Variants in IPO11 observed in about 807,000 individuals in gnomAD.
The protein encoded by IPO11 is importin-11.
IPO11 carries 66 observed loss-of-function variants against 143.2 expected under a neutral mutation model. That is an observed-to-expected ratio of 0.46 (90% confidence interval 0.38 to 0.57). The LOEUF (loss-of-function observed/expected upper bound fraction) is 0.57, where lower values mean the gene tolerates loss of function less well. IPO11 is among the 20% of genes least tolerant of loss of function. The pLI is 0.00. For synonymous variants in IPO11, 385 were observed against 377.8 expected, an observed-to-expected ratio of 1.02 and a Z score of -0.22; for missense variants, 1,026 against 1,141.0, an observed-to-expected ratio of 0.90 and a Z score of 1.45.
At chr5:62,531,239 A>G (rs983561977) in intron 22 of IPO11, among the ~76,000 whole-genome samples, 1 of 152,182 alleles carries the variant, frequency 6.6e-6, no homozygotes, top group Non-Finnish European at 1.5e-5. Context: ...GTGCAGTGGT[A>G]TGACCACAGC....
chr5:62,600,526 A>G (rs1324398340), intron 28 of IPO11, among the ~76,000 whole-genome samples: 3 of 152,244 alleles, frequency 2.0e-5, no homozygotes, highest in African/African-American at 4.8e-5. Flanking sequence ...TGGCTAGTGT[A>G]AAGAAACCCC....
intron 22 of IPO11, among the ~76,000 whole-genome samples, chr5:62,536,141 T>A (rs1432073208): frequency 6.6e-6 from 1 of 152,174 alleles, no homozygotes; most frequent in East Asian, 1.9e-4. Context: ...TGAGAAGTAA[T>A]ATCGCATATT....
intron 15 of IPO11, among the ~76,000 whole-genome samples, chr5:62,491,114 A>C (rs1746594680): frequency 6.6e-6 from 1 of 152,214 alleles, no homozygotes; most frequent in Non-Finnish European, 1.5e-5. Context: ...GATTCACTTC[A>C]GTATACCTGG....
chr5:62,482,671 A>G (rs190435815), intron 9 of IPO11, among the ~76,000 whole-genome samples: 153 of 152,306 alleles, frequency 1.0e-3, no homozygotes, highest in Non-Finnish European at 3.7e-4. Flanking sequence ...TATTAGCTGA[A>G]ATTCTTCTAT....
At chr5:62,610,187 CTATGTTAACCT>C (rs1454806211) in intron 29 of IPO11, among the ~76,000 whole-genome samples, 1 of 152,126 alleles carries the variant, frequency 6.6e-6, no homozygotes, top group Non-Finnish European at 1.5e-5. Context: ...GGCTTGAATG[CTATGTTAACCT>C]GGTTAACATA....
At chr5:62,600,654 T>G (rs1745472327) in intron 28 of IPO11, among the ~76,000 whole-genome samples, 1 of 152,060 alleles carries the variant, frequency 6.6e-6, no homozygotes, top group Admixed American at 6.6e-5. Flanking sequence ...TGTGTCAGAG[T>G]CCATTGGCCA....
At chr5:62,541,227 C>T (rs530214860) in intron 24 of IPO11, among the ~76,000 whole-genome samples, 39 of 151,812 alleles carry the variant, frequency 2.6e-4, no homozygotes, top group African/African-American at 8.7e-4. Flanking sequence ...CAAAATTAGC[C>T]GGGCATGGTG....
At chr5:62,463,135 G>C (rs1745432188) in intron 5 of IPO11, among the ~76,000 whole-genome samples, 1 of 152,012 alleles carries the variant, frequency 6.6e-6, no homozygotes, top group South Asian at 2.1e-4. Context: ...CTGAACTCCT[G>C]GGTTCAAATG....
intron 27 of IPO11, among the ~76,000 whole-genome samples, chr5:62,588,130 C>T (rs766436515): frequency 2.0e-5 from 3 of 152,172 alleles, no homozygotes; most frequent in Non-Finnish European, 4.4e-5. Flanking sequence ...ACTTCCACTT[C>T]AACCACACAT....
At chr5:62,448,790 C>T (rs1363655081) in intron 3 of IPO11, among the ~76,000 whole-genome samples, 1 of 152,106 alleles carries the variant, frequency 6.6e-6, no homozygotes, top group Non-Finnish European at 1.5e-5. Context: ...AACTCCTGGC[C>T]CCAAGCAGTC....
chr5:62,530,868 C>T, intron 22 of IPO11, 83 bp downstream of exon 22: 3 of 1,059,172 alleles, frequency 2.8e-6, no homozygotes, highest in Non-Finnish European at 4.4e-6. Context: ...GGAGGCATTA[C>T]AACAAAGTTG....
intron 19 of IPO11, among the ~76,000 whole-genome samples, chr5:62,510,562 T>TA (rs574645241): frequency 3.9e-5 from 6 of 152,202 alleles, no homozygotes; most frequent in Non-Finnish European, 7.3e-5. Context: ...TTAACACTGA[T>TA]ACAATACTAT....
At position 62,435,172 on chromosome 5, in the gene IPO11, GTATATATGTA is replaced by G. The variant is rs746098672; in HGVS notation, c.-6-2072_-6-2063del. ...TATATGTATATATATGTATATATAT[GTATATATGTA>G]TATATATGTATATATATGTATATAT... On this transcript the variant is annotated intron_variant, in intron 1 of 29. Transcript: ENST00000325324. 3.4e-3 allele frequency among the ~76,000 whole-genome samples: 296 copies of G among 88,268 alleles called. 21 individuals are homozygous for G. The highest frequency in any genetic ancestry group is 3.5e-3 in the Non-Finnish European group (161 of 46,360). 57.9% of individuals were successfully genotyped at this position (88,268 alleles called of 152,430 possible).
chr5:62,449,677 T>A, intron 3 of IPO11: 1 of 285,072 alleles, frequency 3.5e-6, no homozygotes. Context: ...GATGTGCCAG[T>A]GTACAAGTAA....
intron 29 of IPO11, among the ~76,000 whole-genome samples, chr5:62,620,209 C>T (rs572048529): frequency 1.3e-5 from 2 of 152,202 alleles, no homozygotes; most frequent in Admixed American, 1.3e-4. Flanking sequence ...AGACGTGAGA[C>T]TTCAGTCACA....
intron 22 of IPO11, among the ~76,000 whole-genome samples, chr5:62,534,860 A>G (rs1435245576): frequency 6.6e-6 from 1 of 152,188 alleles, no homozygotes; most frequent in Non-Finnish European, 1.5e-5. Context: ...ATCTGAAAGT[A>G]AATACCTATC....
chr5:62,519,207 A>G (rs909895133), intron 20 of IPO11, among the ~76,000 whole-genome samples: 1 of 152,192 alleles, frequency 6.6e-6, no homozygotes, highest in Non-Finnish European at 1.5e-5. Flanking sequence ...GTGTAAAACT[A>G]CCTAAGCATT....
At chr5:62,488,718 G>C (rs1209497987) in intron 13 of IPO11, among the ~76,000 whole-genome samples, 1 of 152,130 alleles carries the variant, frequency 6.6e-6, no homozygotes, top group Admixed American at 6.5e-5. Flanking sequence ...CAGAATGAGT[G>C]TTGGCCAGGC....
intron 1 of IPO11, among the ~76,000 whole-genome samples, chr5:62,435,200 G>GTATA (rs1175661794): frequency 9.6e-6 from 1 of 104,696 alleles, no homozygotes; most frequent in African/African-American, 3.7e-5. Context: ...GTATATATAT[G>GTATA]TATATATATG....
Sources: gnomAD v4.1 joint callset for allele counts (sites outside exome capture counted in the v4.1 genomes callset) on GRCh38, gnomAD v4.1.1 for gene constraint, MANE v1.5 for transcripts, NCBI Gene and HGNC (gene_info 2026-07-23, HGNC 2026-07-21) for gene names.